The following EFHC2 variants were observed in gnomAD, a reference collection of about 807,000 sequenced individuals.
EFHC2 encodes EF-hand domain containing 2.
In EFHC2, 18 loss-of-function variants were observed where a neutral mutation model predicts 52.7. The observed-to-expected ratio is 0.34, with a 90% CI of 0.24 to 0.51. The LOEUF is 0.51. Ranked by LOEUF, EFHC2 falls within the 20% of genes least tolerant of loss-of-function variation. The pLI is 0.97. For synonymous variants in EFHC2, 203 were observed against 204.1 expected, an observed-to-expected ratio of 0.99 and a Z score of 0.04; for missense variants, 513 against 562.5, an observed-to-expected ratio of 0.91 and a Z score of 0.89.
chrX:44,318,631 T>A (rs1430568371), intron 1 of EFHC2, among the ~76,000 whole-genome samples: 2 of 112,223 alleles, frequency 1.8e-5, no homozygotes, highest in Non-Finnish European at 3.8e-5. Context: ...GATGGGCAGA[T>A]TCATGAGGCC....
At position 44,235,545 on chromosome X, in the gene EFHC2, T is replaced by C. The variant is rs2037313123; in HGVS notation, c.1281-98A>G. ...CAAAAGATATAATATGGCTTTAATA[T>C]AGTAGGCATAAACTGTCCAAAGTGA... On this transcript the variant is annotated intron_variant, in intron 8 of 14. Transcript: ENST00000420999. 7 of 847,541 alleles carry C rather than the reference T, an allele frequency of 8.3e-6. No homozygotes were observed. In the South Asian group the frequency reaches 2.5e-4, roughly 30 times the overall value. The allele number at this position is 847,541 out of a possible 1,213,427, so 69.8% of individuals were successfully genotyped here.
intron 5 of EFHC2, among the ~76,000 whole-genome samples, chrX:44,249,413 G>C (rs2037425115): frequency 9.0e-6 from 1 of 110,563 alleles, no homozygotes; most frequent in Non-Finnish European, 1.9e-5. Flanking sequence ...TGTCCTTATA[G>C]GTGTTTACAG....
chrX:44,160,283 A>G (rs931053372), intron 14 of EFHC2, among the ~76,000 whole-genome samples: 2 of 111,325 alleles, frequency 1.8e-5, no homozygotes, highest in African/African-American at 6.6e-5. Flanking sequence ...CATGAAATCA[A>G]TTTAATGGGT....
At chrX:44,210,598 TA>T (rs1205517326) in intron 11 of EFHC2, among the ~76,000 whole-genome samples, 3 of 112,068 alleles carry the variant, frequency 2.7e-5, no homozygotes, top group African/African-American at 6.5e-5. Context: ...CAAATGATGC[TA>T]AAAAAAATTG....
intron 14 of EFHC2, among the ~76,000 whole-genome samples, chrX:44,152,757 A>ACACACACACAC (rs1569271750): frequency 2.2e-5 from 2 of 92,893 alleles, no homozygotes; most frequent in African/African-American, 8.3e-5. Context: ...CACACACACA[A>ACACACACACAC]AACAATATAT....
intron 1 of EFHC2, among the ~76,000 whole-genome samples, chrX:44,320,598 A>T (rs2038012232): frequency 9.0e-6 from 1 of 111,109 alleles, no homozygotes; most frequent in South Asian, 3.9e-4. Flanking sequence ...TAAGTCAGTG[A>T]TCAACAGCAT....
At chrX:44,196,687 G>C (rs778767431) in intron 11 of EFHC2, among the ~76,000 whole-genome samples, 226 of 112,262 alleles carry the variant, frequency 2.0e-3, no homozygotes, top group Non-Finnish European at 2.8e-3. Flanking sequence ...GAGCCATCCA[G>C]GGGCACATAC....
Position 44,343,657 on chromosome X carries a change from G to C in EFHC2, c.-69C>G. 1.8e-6 allele frequency: 2 copies of C among 1,117,843 alleles called. No homozygotes were observed. The highest frequency in any genetic ancestry group is 2.4e-6 in the Non-Finnish European group (2 of 830,054). 92.1% of individuals were successfully genotyped at this position (1,117,843 alleles called of 1,213,427 possible). ...CGGCAGGCAGCGGCGCCTCCCGGCC[G>C]TGTTGTTTGGCCCCCACGTTGCCTG... On this transcript the variant is annotated 5_prime_UTR_variant, in exon 1 of 15. Coordinates refer to ENST00000420999, the MANE Select transcript of EFHC2 (RefSeq NM_025184.4).
At chrX:44,181,474 C>T (rs1302265681) in intron 11 of EFHC2, among the ~76,000 whole-genome samples, 1 of 111,757 alleles carries the variant, frequency 8.9e-6, no homozygotes, top group Admixed American at 9.5e-5. Flanking sequence ...ACTTTCCATA[C>T]ACCTTTCACT....
intron 13 of EFHC2, among the ~76,000 whole-genome samples, chrX:44,170,155 A>T (rs912026638): frequency 3.6e-5 from 4 of 111,645 alleles, no homozygotes; most frequent in African/African-American, 1.3e-4. Flanking sequence ...AGACTCTGAG[A>T]CATGATTTTC....
chrX:44,331,779 C>T (rs2038088059), intron 1 of EFHC2, among the ~76,000 whole-genome samples: 1 of 110,578 alleles, frequency 9.0e-6, no homozygotes, highest in Non-Finnish European at 1.9e-5. Context: ...TAAAAATTAG[C>T]CAGGTGTGGT....
intron 3 of EFHC2, among the ~76,000 whole-genome samples, 198 bp from the exon 4 acceptor site, chrX:44,261,496 G>C (rs991259576): frequency 9.0e-6 from 1 of 110,955 alleles, no homozygotes; most frequent in African/African-American, 3.3e-5. Flanking sequence ...GAGCTCTGTG[G>C]CCAGCCTTGC....
At chrX:44,161,020 A>G in intron 14 of EFHC2, among the ~76,000 whole-genome samples, 1 of 112,241 alleles carries the variant, frequency 8.9e-6, no homozygotes, top group East Asian at 2.8e-4. Context: ...ATTTTCCACG[A>G]TTAAGAAAGA....
At chrX:44,168,490 C>T (rs186909133) in intron 13 of EFHC2, among the ~76,000 whole-genome samples, 2,122 of 109,259 alleles carry the variant, frequency 0.019, 21 homozygotes, top group Non-Finnish European at 0.031. Flanking sequence ...CGAGATTGCG[C>T]CACTACACTC....
chrX:44,264,525 G>C (rs192081110), intron 3 of EFHC2, among the ~76,000 whole-genome samples: 1 of 111,683 alleles, frequency 9.0e-6, no homozygotes, highest in Admixed American at 9.5e-5. Flanking sequence ...GAAAAGGCCA[G>C]GGAAGCTCTT....
intron 14 of EFHC2, among the ~76,000 whole-genome samples, chrX:44,154,493 G>A (rs1207352161): frequency 9.1e-6 from 1 of 109,573 alleles, no homozygotes; most frequent in Non-Finnish European, 1.9e-5. Context: ...TTAAAGCCAG[G>A]ACTTCTGAAC....
At chrX:44,164,491 A>C (rs1173702175) in intron 13 of EFHC2, among the ~76,000 whole-genome samples, 1 of 112,332 alleles carries the variant, frequency 8.9e-6, no homozygotes, top group East Asian at 2.8e-4. Flanking sequence ...TTTTGAAAAA[A>C]TAAAAGGCAT....
At chrX:44,326,215 TG>T (rs1289490945) in intron 1 of EFHC2, among the ~76,000 whole-genome samples, 1 of 110,473 alleles carries the variant, frequency 9.1e-6, no homozygotes, top group Non-Finnish European at 1.9e-5. Context: ...TCTTAATCAT[TG>T]GGAGTATTAA....
At chrX:44,264,788 G>A (rs941534633) in intron 3 of EFHC2, among the ~76,000 whole-genome samples, 37 of 111,747 alleles carry the variant, frequency 3.3e-4, no homozygotes, top group Non-Finnish European at 3.4e-4. Flanking sequence ...AGTCTTCCAC[G>A]ATAAATGGCA....
Sources: gnomAD v4.1 joint callset for allele counts (sites outside exome capture counted in the v4.1 genomes callset) on GRCh38, gnomAD v4.1.1 for gene constraint, MANE v1.5 for transcripts, NCBI Gene and HGNC (gene_info 2026-07-23, HGNC 2026-07-21) for gene names.